GET4: variants seen among roughly 807,000 people sequenced by gnomAD.
GET4 encodes the protein Golgi to ER traffic protein 4 homolog.
GET4 carries 20 observed loss-of-function variants against 40.0 expected under a neutral mutation model. The observed-to-expected ratio is 0.50, with a 90% CI of 0.35 to 0.73. The LOEUF is 0.73. GET4 is among the 30% of genes least tolerant of loss of function. GET4 has a pLI of 0.01. For synonymous variants in GET4, 280 were observed against 194.6 expected (o/e 1.44, Z -3.65); for missense variants, 557 against 454.0 (o/e 1.23, Z -2.06).
chr7:894,265 G>A lies in GET4; in HGVS notation c.895+294G>A, dbSNP rs1844416566. 2.0e-5 allele frequency among the ~76,000 whole-genome samples: 3 copies of A among 152,220 alleles called. No individual in the cohort carries two copies. In the South Asian group the frequency reaches 6.2e-4, roughly 32 times the overall value. On this transcript the variant is annotated intron_variant, in intron 8 of 8. Transcript: ENST00000265857. ...GCTGCGTGCTCCCCCGTCTCTCTGTGCGCCATGCTAGGTGGCCTCCGTGAG... is the reference window on the plus strand; with the variant it reads ...GCTGCGTGCTCCCCCGTCTCTCTGTACGCCATGCTAGGTGGCCTCCGTGAG...
At chr7:881,707 C>T (rs1881114) in intron 1 of GET4, 1 of 151,958 alleles carries the variant, frequency 6.6e-6, no homozygotes, top group African/African-American at 2.4e-5. Context: ...AGCCTCAGGT[C>T]TGTGTGCAGG....
chr7:879,247 G>A (rs994470619), intron 1 of GET4, among the ~76,000 whole-genome samples: 3 of 152,224 alleles, frequency 2.0e-5, no homozygotes, highest in African/African-American at 7.2e-5. Flanking sequence ...CCTGCGCCCC[G>A]CTGGCTGGAA....
chr7:878,050 C>T, intron 1 of GET4: 1 of 303,904 alleles, frequency 3.3e-6, no homozygotes, highest in East Asian at 8.3e-5. Context: ...CACCGAGGGT[C>T]CAGGCTGAGG....
chr7:887,731 C>G (rs547820681), intron 4 of GET4, among the ~76,000 whole-genome samples: 2 of 152,180 alleles, frequency 1.3e-5, no homozygotes, highest in Non-Finnish European at 2.9e-5. Flanking sequence ...GGCAGGCGGC[C>G]GCCTCTCCAG....
At chr7:891,312 C>T (rs539359671) in intron 5 of GET4, among the ~76,000 whole-genome samples, 75 of 152,372 alleles carry the variant, frequency 4.9e-4, no homozygotes, top group Non-Finnish European at 8.7e-4. Flanking sequence ...ACGCCCCTCG[C>T]CTCTCGCCCA....
At chr7:894,052 G>A in intron 8 of GET4, 81 bp downstream of exon 8, 1 of 824,128 alleles carries the variant, frequency 1.2e-6, no homozygotes, top group Non-Finnish European at 1.9e-6. Context: ...CAGGTCCAGT[G>A]CGGTCCTTCA....
intron 2 of GET4, 110 bp from the exon 3 acceptor site, chr7:886,459 C>T: frequency 1.3e-6 from 1 of 771,490 alleles, no homozygotes. Flanking sequence ...AGAAGAGACT[C>T]CTCAGCACCG....
chr7:894,073 G>A (rs1844410809), intron 8 of GET4, 102 bp downstream of exon 8: 1 of 641,104 alleles, frequency 1.6e-6, no homozygotes, highest in Non-Finnish European at 2.6e-6. Context: ...CGTGGAAGTG[G>A]TTTTCTGATC....
At chr7:877,088 C>T (rs890112923) in intron 1 of GET4, among the ~76,000 whole-genome samples, 4 of 151,774 alleles carry the variant, frequency 2.6e-5, no homozygotes, top group African/African-American at 7.3e-5. Context: ...TCCACCTGTT[C>T]CCTCCTCCGT....
chr7:882,860 G>T (rs1026385618), intron 1 of GET4: 1 of 152,276 alleles, frequency 6.6e-6, no homozygotes, highest in Non-Finnish European at 1.5e-5. Flanking sequence ...TAGAAACTTG[G>T]TGTGGCTGAG....
At chr7:886,382 C>G in intron 2 of GET4, 187 bp from the exon 3 acceptor site, 2 of 615,728 alleles carry the variant, frequency 3.2e-6, no homozygotes, top group South Asian at 3.8e-5. Flanking sequence ...ACGTCCCCGT[C>G]CATTTTCATG....
At chr7:892,256 A>G (rs771672922) in intron 5 of GET4, 22 bp from the exon 6 acceptor site, 3 of 1,583,860 alleles carry the variant, frequency 1.9e-6, no homozygotes, top group Middle Eastern at 3.4e-4. Context: ...CCCTTCCACC[A>G]CCAGCATGTT....
At position 895,487 on chromosome 7, in the gene GET4, C is replaced by A; in HGVS notation, c.*65C>A. The A allele has an allele frequency of 1.2e-6, 1 of 829,220 alleles. No individual in the cohort carries two copies. Among genetic ancestry groups the A allele is most frequent in the Non-Finnish European group, 2.0e-6 (1 of 497,800 alleles). 51.4% of individuals were successfully genotyped at this position (829,220 alleles called of 1,614,324 possible). ...CTGGAGGGACGTTTCAGAGGCGAGT[C>A]CTGGGTGGCTCCTCGCCTTGGGGGC... On this transcript the variant is annotated 3_prime_UTR_variant, in exon 9 of 9. Transcript: ENST00000265857.
At chr7:892,111 C>G (rs1046378418) in intron 5 of GET4, among the ~76,000 whole-genome samples, 167 bp from the exon 6 acceptor site, 7 of 152,262 alleles carry the variant, frequency 4.6e-5, no homozygotes, top group Admixed American at 1.3e-4. Flanking sequence ...CCTGGTGTGC[C>G]CTGCACATGA....
chr7:877,969 C>T (rs1222517036), intron 1 of GET4: 2 of 206,234 alleles, frequency 9.7e-6, no homozygotes, highest in East Asian at 2.6e-4. Flanking sequence ...CCCTGCCTCC[C>T]TCCTCCTGGC....
Position 896,177 on chromosome 7 carries a change from C to T in GET4, c.*755C>T, listed in dbSNP as rs1296573720. ...TATTTGTATTGGGTGATGATTGATT[C>T]TTTCGACCTAACATTTTGGGTTTTA... On this transcript the variant is annotated 3_prime_UTR_variant, in exon 9 of 9. Transcript: ENST00000265857. 3.3e-5 allele frequency: 5 copies of T among 152,232 alleles called. No individual in the cohort carries two copies. Among genetic ancestry groups the T allele is most frequent in the African/African-American group, 7.2e-5 (3 of 41,460 alleles). The allele number at this position is 152,232 out of a possible 1,614,324, so 9.4% of individuals were successfully genotyped here.
rs748253449 is a variant in GET4, at chr7:886,662, G to A, written c.316+12G>A. On this transcript the variant is annotated intron_variant, in intron 3 of 8. Transcript: ENST00000265857. ...TGACGAGCTGCTGGGTGAGCATCCG[G>A]CCCTTCACCCCGGGACCCTGTGACA... The A allele has an allele frequency of 5.9e-5, 94 of 1,593,614 alleles. 1 individual carries two copies. The highest frequency in any genetic ancestry group is 5.0e-4 in the South Asian group (45 of 90,654).
chr7:888,890 A>G (rs2128628433), intron 4 of GET4, among the ~76,000 whole-genome samples: 1 of 152,310 alleles, frequency 6.6e-6, no homozygotes, highest in East Asian at 1.9e-4. Flanking sequence ...CCTGCCCGGG[A>G]GCTGTCGTCT....
chr7:883,758 G>C (rs1052872835), intron 1 of GET4: 13 of 987,834 alleles, frequency 1.3e-5, no homozygotes, highest in Non-Finnish European at 1.6e-5. Context: ...TCCTGGCTTA[G>C]TCACCTGGAA....
Sources: allele counts gnomAD v4.1 joint callset (sites outside exome capture counted in the v4.1 genomes callset), GRCh38; gene constraint gnomAD v4.1.1; transcripts MANE v1.5; gene names NCBI Gene and HGNC (gene_info 2026-07-23, HGNC 2026-07-21).